TMEM108: variants seen among roughly 807,000 people sequenced by gnomAD.
TMEM108 encodes the protein transmembrane protein 108.
In TMEM108, 12 loss-of-function variants were observed where a neutral mutation model predicts 35.1. That is an observed-to-expected ratio of 0.34 (90% CI 0.22 to 0.55). TMEM108 has a LOEUF of 0.55. TMEM108 is among the 20% of genes least tolerant of loss of function. TMEM108 has a pLI of 0.89. For missense variants in TMEM108, 680 were observed against 753.3 expected (o/e 0.90, Z 1.14); for synonymous variants, 287 against 308.6 (o/e 0.93, Z 0.73).
intron 3 of TMEM108, among the ~76,000 whole-genome samples, chr3:133,371,021 G>T (rs2072652275): frequency 6.6e-6 from 1 of 152,036 alleles, no homozygotes; most frequent in African/African-American, 2.4e-5. Context: ...TGTAGAAAGA[G>T]CCTGGCATTG....
At chr3:133,045,716 G>C (rs560502426) in intron 1 of TMEM108, among the ~76,000 whole-genome samples, 186 bp from the exon 2 acceptor site, 1 of 152,120 alleles carries the variant, frequency 6.6e-6, no homozygotes, top group Admixed American at 6.5e-5. Context: ...ACTGCATTAG[G>C]TCCACCCCAC....
chr3:133,138,116 G>A (rs6439385), intron 2 of TMEM108, among the ~76,000 whole-genome samples: 101,877 of 152,018 alleles, frequency 0.67, 34,525 homozygotes, highest in African/African-American at 0.75. Flanking sequence ...TAGATACCCA[G>A]CCAAAAGAGT....
intron 3 of TMEM108, among the ~76,000 whole-genome samples, chr3:133,251,995 C>G (rs1946478992): frequency 1.3e-5 from 2 of 152,146 alleles, no homozygotes; most frequent in South Asian, 4.1e-4. Context: ...ATCACTGTTG[C>G]TATGAAACTC....
chr3:133,380,619 C>A lies in TMEM108; in HGVS notation c.908C>A (p.Ala303Asp). Residue 303 changes from alanine to aspartate, a missense_variant, in exon 4 of 6, where the codon GCC (alanine) becomes GAC (aspartate). Coordinates refer to ENST00000321871, the MANE Select transcript of TMEM108 (RefSeq NM_023943.4). This position sits in a 1 kb window ranked among gnomAD's most constrained non-coding sequence, Gnocchi z 5.3. ...GGAGGGACACCAGATGCCACAGCAGCCTCAGGTGCCCCTGTCAGTCCACAA... is the reference window on the plus strand; with the variant it reads ...GGAGGGACACCAGATGCCACAGCAGACTCAGGTGCCCCTGTCAGTCCACAA... Reference protein sequence around the residue: ...SQGGTPDATAASGAPVSPQAA... With the variant: ...SQGGTPDATADSGAPVSPQAA... 6.2e-7 allele frequency: 1 copy of A among 1,613,584 alleles called. No individual in the cohort carries two copies.
chr3:133,104,471 C>G (rs1414941314), intron 2 of TMEM108, among the ~76,000 whole-genome samples: 1 of 152,028 alleles, frequency 6.6e-6, no homozygotes, highest in Non-Finnish European at 1.5e-5. Context: ...TTTTCTTAAT[C>G]TCTAGTTTGA....
intron 3 of TMEM108, among the ~76,000 whole-genome samples, chr3:133,318,931 A>AAAAAAC (rs1553760511): frequency 2.0e-5 from 3 of 150,792 alleles, no homozygotes; most frequent in Non-Finnish European, 4.4e-5. Flanking sequence ...AAAAAAAAAA[A>AAAAAAC]CTCAGGGGAA....
intron 3 of TMEM108, among the ~76,000 whole-genome samples, chr3:133,349,797 G>T (rs1180450964): frequency 6.6e-6 from 1 of 152,132 alleles, no homozygotes; most frequent in East Asian, 1.9e-4. Flanking sequence ...TGCCGGTGAG[G>T]ATGTGGAGAA....
rs187275899 is a variant in TMEM108 at position 133,222,199 on chromosome 3, T to C, written c.-46-7067T>C. ...GCTTTGCTGGTTTCAGGGGTTTTTT[T>C]GGCAATTTTTTTTTCCTTCAGTACT... On this transcript the variant is annotated intron_variant, in intron 2 of 5. Coordinates refer to ENST00000321871, the MANE Select transcript of TMEM108 (RefSeq NM_023943.4). 1.9e-3 allele frequency among the ~76,000 whole-genome samples: 284 copies of C among 152,050 alleles called. 2 individuals are homozygous for C. Among genetic ancestry groups the C allele is most frequent in the African/African-American group, 6.5e-3 (270 of 41,362 alleles).
At chr3:133,168,221 G>A (rs1945073262) in intron 2 of TMEM108, among the ~76,000 whole-genome samples, 1 of 152,124 alleles carries the variant, frequency 6.6e-6, no homozygotes, top group Non-Finnish European at 1.5e-5. Flanking sequence ...TCAGTTGTGG[G>A]GGCAAGTAGG....
chr3:133,081,004 G>C (rs1160794046), intron 2 of TMEM108, among the ~76,000 whole-genome samples: 2 of 151,762 alleles, frequency 1.3e-5, no homozygotes, highest in African/African-American at 4.8e-5. Context: ...GGGTGATCTT[G>C]GGTAAGTTAT....
intron 2 of TMEM108, among the ~76,000 whole-genome samples, chr3:133,070,195 T>G (rs78954013): frequency 0.028 from 4,194 of 152,154 alleles, 102 homozygotes; most frequent in South Asian, 0.06. Context: ...TTCAGATAAT[T>G]CAAACATTTT....
intron 2 of TMEM108, among the ~76,000 whole-genome samples, chr3:133,220,099 G>A (rs1419038791): frequency 2.3e-5 from 3 of 128,298 alleles, no homozygotes; most frequent in Non-Finnish European, 5.2e-5. Context: ...TTTTTTTTAC[G>A]GTTTTTGACT....
At chr3:133,146,335 A>T (rs548149460) in intron 2 of TMEM108, among the ~76,000 whole-genome samples, 14 of 152,202 alleles carry the variant, frequency 9.2e-5, no homozygotes, top group Admixed American at 9.2e-4. Flanking sequence ...TGGTGGATAA[A>T]CTATTTGATG....
intron 3 of TMEM108, among the ~76,000 whole-genome samples, chr3:133,281,522 C>T (rs1228185575): frequency 6.6e-6 from 1 of 152,172 alleles, no homozygotes; most frequent in South Asian, 2.1e-4. Flanking sequence ...CCAAGGACAG[C>T]GTAGTTTAGT....
intron 3 of TMEM108, among the ~76,000 whole-genome samples, chr3:133,237,574 G>A (rs1274174032): frequency 2.6e-5 from 4 of 152,064 alleles, no homozygotes; most frequent in Non-Finnish European, 5.9e-5. Flanking sequence ...AATCCCTAGG[G>A]ACCCCTGAGG....
intron 4 of TMEM108, chr3:133,387,585 G>C (rs2073171500): frequency 1.0e-6 from 1 of 970,692 alleles, no homozygotes; most frequent in African/African-American, 1.8e-5. Flanking sequence ...TACCAGCCCA[G>C]GTTAGCAGCA....
chr3:133,055,096 C>A (rs1395246348), intron 2 of TMEM108, among the ~76,000 whole-genome samples: 3 of 152,144 alleles, frequency 2.0e-5, no homozygotes, highest in Admixed American at 6.5e-5. Flanking sequence ...TCTCTTCAGA[C>A]TCTGTGAAGA....
At chr3:133,073,510 C>CTCTCTCTCTCTCTCTCTCTCTCTATATA in intron 2 of TMEM108, among the ~76,000 whole-genome samples, 4 of 43,908 alleles carry the variant, frequency 9.1e-5, no homozygotes, top group African/African-American at 3.6e-4. Context: ...CTCTCTCTCT[C>CTCTCTCTCTCTCTCTCTCTCTCTATATA]TATATATATA....
intron 2 of TMEM108, among the ~76,000 whole-genome samples, chr3:133,060,650 TCAACTTCTAGTATTTGTC>T (rs1246358883): frequency 1.3e-5 from 2 of 152,214 alleles, no homozygotes; most frequent in African/African-American, 4.8e-5. Flanking sequence ...GTCCACCAAT[TCAACTTCTAGTATTTGTC>T]CAACTTCTAG....
Sources: allele counts gnomAD v4.1 joint callset (sites outside exome capture counted in the v4.1 genomes callset), GRCh38; gene constraint gnomAD v4.1.1; non-coding constraint Gnocchi (gnomAD v3.1); transcripts MANE v1.5; gene names NCBI Gene and HGNC (gene_info 2026-07-23, HGNC 2026-07-21).